SNX29: variants seen among roughly 807,000 people sequenced by gnomAD.
SNX29 encodes the protein sorting nexin 29, also known as sorting nexin-29.
A neutral mutation model predicts 102.1 loss-of-function variants in SNX29; 78 were observed. The observed-to-expected ratio is 0.76, with a 90% CI of 0.64 to 0.92. SNX29 has a LOEUF of 0.92. SNX29 is among the 40% of genes least tolerant of loss of function. The probability of loss-of-function intolerance (pLI) is 0.00; values close to 1 mark genes in which losing one functional copy is unlikely to be tolerated. For synonymous variants in SNX29, 580 were observed against 414.5 expected (o/e 1.40, Z -4.85); for missense variants, 1,280 against 1,061.7 (o/e 1.21, Z -2.86).
In SNX29 at chr16:12,094,461, C is replaced by G. The variant is rs531776979; in HGVS notation, c.1402+15546C>G. ...TTCCATCTTACTGAAACCATCCCTCCTGCAGAGGCCCTGAAGTTCCCTTTA... is the reference window on the plus strand; with the variant it reads ...TTCCATCTTACTGAAACCATCCCTCGTGCAGAGGCCCTGAAGTTCCCTTTA... On this transcript the variant is annotated intron_variant, in intron 11 of 20. Transcript: ENST00000566228. Among the ~76,000 whole-genome samples the G allele has an allele frequency of 2.0e-5, 3 of 152,322 alleles. No homozygotes were observed. The South Asian group carries it at 6.2e-4, about 32-fold the overall frequency.
intron 11 of SNX29, among the ~76,000 whole-genome samples, chr16:12,079,945 G>C (rs1461291366): frequency 1.3e-5 from 2 of 152,154 alleles, no homozygotes; most frequent in Non-Finnish European, 2.9e-5. Flanking sequence ...TTTTCATTTA[G>C]CTCTGGGTGA....
chr16:12,171,976 T>A lies in SNX29; in HGVS notation c.1596-27625T>A, dbSNP rs374906905. On this transcript the variant is annotated intron_variant, in intron 13 of 20. Transcript: ENST00000566228. ...GACATTGACGAGGATGCGGTGAGAA[T>A]TCTGAGATTGCCAGCAGACATCCCC... Among the ~76,000 whole-genome samples, 17 of 152,300 alleles carry A rather than the reference T, an allele frequency of 1.1e-4. No homozygotes were observed. The East Asian group carries it at 2.5e-3, about 22-fold the overall frequency.
rs549099974 is a variant in SNX29, at chr16:12,320,279, C to T, written c.1783-35884C>T. Among the ~76,000 whole-genome samples, 9 of 152,224 alleles carry T rather than the reference C, an allele frequency of 5.9e-5. 1 individual carries two copies. The highest frequency in any genetic ancestry group is 1.9e-4 in the African/African-American group (8 of 41,564). On this transcript the variant is annotated intron_variant, in intron 15 of 20. Coordinates refer to ENST00000566228, the MANE Select transcript of SNX29 (RefSeq NM_032167.5). ...AGGAGCATAGCAGGCAGAGAGGGCACAGCCTGTGCACCAGCCCTGCCATTG... is the reference window on the plus strand; with the variant it reads ...AGGAGCATAGCAGGCAGAGAGGGCATAGCCTGTGCACCAGCCCTGCCATTG...
At chr16:12,244,638 T>C (rs1223802809) in intron 14 of SNX29, among the ~76,000 whole-genome samples, 2 of 152,100 alleles carry the variant, frequency 1.3e-5, no homozygotes, top group African/African-American at 4.8e-5. Context: ...AAATCACCTA[T>C]GCAGAATGGA....
At chr16:12,127,258 CAA>C (rs1046917658) in intron 12 of SNX29, among the ~76,000 whole-genome samples, 1 of 103,052 alleles carries the variant, frequency 9.7e-6, no homozygotes. Flanking sequence ...GCCTCTGTCT[CAA>C]AAAAAAAAAA....
intron 13 of SNX29, among the ~76,000 whole-genome samples, chr16:12,146,011 C>A (rs1430609334): frequency 6.6e-6 from 1 of 152,242 alleles, no homozygotes; most frequent in Non-Finnish European, 1.5e-5. Flanking sequence ...AAAATCCTTT[C>A]CAAGAAAGCG....
In SNX29 at chr16:12,523,917, G is replaced by A. The variant is rs1250312384; in HGVS notation, c.2179-785G>A. Among the ~76,000 whole-genome samples, 8 of 152,040 alleles carry A rather than the reference G, an allele frequency of 5.3e-5. No individual in the cohort carries two copies. The East Asian group carries it at 9.7e-4, about 18-fold the overall frequency. ...TTGTGTGTGTGTGAGATGGAGTTTCGCTCTTGTTGCCCGGGCTGGAGTGCA... is the reference window on the plus strand; with the variant it reads ...TTGTGTGTGTGTGAGATGGAGTTTCACTCTTGTTGCCCGGGCTGGAGTGCA... On this transcript the variant is annotated intron_variant, in intron 19 of 20. Coordinates refer to ENST00000566228, the MANE Select transcript of SNX29 (RefSeq NM_032167.5).
intron 16 of SNX29, among the ~76,000 whole-genome samples, chr16:12,384,235 C>A (rs1160116581): frequency 6.6e-6 from 1 of 152,064 alleles, no homozygotes; most frequent in Non-Finnish European, 1.5e-5. Flanking sequence ...GGGTATATAC[C>A]CAGCAGTGGG....
chr16:12,028,050 A>G (rs182154823), intron 4 of SNX29, among the ~76,000 whole-genome samples: 68 of 152,320 alleles, frequency 4.5e-4, no homozygotes, highest in African/African-American at 1.5e-3. Flanking sequence ...TTTGGAGCTG[A>G]ACCTTGAAGT....
intron 16 of SNX29, among the ~76,000 whole-genome samples, chr16:12,358,975 G>A (rs969797393): frequency 6.6e-6 from 1 of 152,222 alleles, no homozygotes; most frequent in Admixed American, 6.5e-5. Context: ...ACCAGAAAAT[G>A]TGTTTCTCTG....
intron 20 of SNX29, among the ~76,000 whole-genome samples, chr16:12,549,779 C>G (rs946503473): frequency 1.3e-5 from 2 of 152,242 alleles, no homozygotes; most frequent in Admixed American, 1.3e-4. Flanking sequence ...CAGGTGATTT[C>G]TACTTGCAGA....
chr16:12,349,461 CAAATCCCA>C (rs1167401063), intron 15 of SNX29, among the ~76,000 whole-genome samples: 1 of 152,230 alleles, frequency 6.6e-6, no homozygotes, highest in Admixed American at 6.5e-5. Context: ...TTGAGCATCC[CAAATCCCA>C]AAATCCCAAA....
At chr16:12,278,729 C>T (rs573456836) in intron 15 of SNX29, among the ~76,000 whole-genome samples, 2 of 152,276 alleles carry the variant, frequency 1.3e-5, no homozygotes, top group South Asian at 2.1e-4. Flanking sequence ...CAAATAGAAT[C>T]ATTTGTGTAT....
chr16:12,492,913 A>T (rs1281700752), intron 19 of SNX29, among the ~76,000 whole-genome samples: 2 of 152,212 alleles, frequency 1.3e-5, no homozygotes, highest in African/African-American at 4.8e-5. Flanking sequence ...TACCAGTAAA[A>T]TGCTGTTTTG....
chr16:12,369,712 AAC>A (rs565708630), intron 16 of SNX29, among the ~76,000 whole-genome samples: 79 of 150,752 alleles, frequency 5.2e-4, no homozygotes, highest in Non-Finnish European at 9.0e-4. Context: ...CTGCTAAATT[AAC>A]ACACACAGTA....
At chr16:12,506,617 T>C (rs572991300) in intron 19 of SNX29, among the ~76,000 whole-genome samples, 1 of 152,296 alleles carries the variant, frequency 6.6e-6, no homozygotes, top group East Asian at 1.9e-4. Flanking sequence ...AAAAGAAAGA[T>C]GAAAGAAATC....
chr16:12,454,748 C>G (rs2086460585), intron 18 of SNX29, among the ~76,000 whole-genome samples: 1 of 151,976 alleles, frequency 6.6e-6, no homozygotes, highest in Non-Finnish European at 1.5e-5. Flanking sequence ...GAGATGGAGT[C>G]TCACCCTGTC....
chr16:12,544,272 T>C (rs2077482358), intron 20 of SNX29, among the ~76,000 whole-genome samples: 1 of 152,092 alleles, frequency 6.6e-6, no homozygotes, highest in South Asian at 2.1e-4. Context: ...ACTCAGGACT[T>C]TACACTCTCA....
At chr16:12,298,831 C>T (rs940371175) in intron 15 of SNX29, among the ~76,000 whole-genome samples, 2 of 152,006 alleles carry the variant, frequency 1.3e-5, no homozygotes, top group Non-Finnish European at 2.9e-5. Flanking sequence ...TCACATGTGG[C>T]GTGATTCCTA....
Sources: gnomAD v4.1 joint callset for allele counts (sites outside exome capture counted in the v4.1 genomes callset) on GRCh38, gnomAD v4.1.1 for gene constraint, MANE v1.5 for transcripts, NCBI Gene and HGNC (gene_info 2026-07-23, HGNC 2026-07-21) for gene names.